SECISBP2: variants seen among roughly 807,000 people sequenced by gnomAD.
SECISBP2 encodes selenocysteine insertion sequence-binding protein 2.
Under a neutral mutation model 98.2 loss-of-function variants are expected in SECISBP2, and 96 were observed. The observed-to-expected ratio is 0.98, with a 90% CI of 0.83 to 1.16. The LOEUF (loss-of-function observed/expected upper bound fraction) is 1.16, where lower values mean the gene tolerates loss of function less well. Ranked by LOEUF, SECISBP2 falls within the 50% of genes most tolerant of loss-of-function variation. SECISBP2 has a pLI of 0.00. For missense variants in SECISBP2, 1,046 were observed against 1,022.9 expected (o/e 1.02, Z -0.31); for synonymous variants, 407 against 370.2 (o/e 1.10, Z -1.14).
At chr9:89,328,388 C>T (rs935157731) in intron 4 of SECISBP2, among the ~76,000 whole-genome samples, 1 of 152,212 alleles carries the variant, frequency 6.6e-6, no homozygotes, top group Admixed American at 6.5e-5. Context: ...ATCAGACCAT[C>T]ATATGTGGCG....
At chr9:89,319,607 T>C (rs774025332) in intron 1 of SECISBP2, 45 bp from the exon 2 acceptor site, 14 of 1,609,646 alleles carry the variant, frequency 8.7e-6, no homozygotes, top group African/African-American at 8.0e-5. Flanking sequence ...TTATATTTGC[T>C]TGATCTCTGA....
At chr9:89,330,506 C>G (rs1386033441) in intron 5 of SECISBP2, 1 of 152,230 alleles carries the variant, frequency 6.6e-6, no homozygotes, top group East Asian at 1.9e-4. Context: ...GTTTCCTGCC[C>G]TTGGACTTCT....
chr9:89,332,836 T>G, intron 5 of SECISBP2, 72 bp from the exon 6 acceptor site: 1 of 1,210,082 alleles, frequency 8.3e-7, no homozygotes, highest in South Asian at 1.2e-5. Flanking sequence ...TGTTCTGGAT[T>G]TTGATATGTA....
chr9:89,363,266 T>A (rs1035942603), downstream of SECISBP2, among the ~76,000 whole-genome samples: 5 of 142,644 alleles, frequency 3.5e-5, no homozygotes, highest in Non-Finnish European at 7.7e-5. Flanking sequence ...GACGTGGGAT[T>A]TCCCCCCCCA....
downstream of SECISBP2, among the ~76,000 whole-genome samples, chr9:89,363,268 C>CCG (rs1833011752): frequency 9.9e-6 from 1 of 100,506 alleles, no homozygotes; most frequent in Admixed American, 1.4e-4. Context: ...CGTGGGATTT[C>CCG]CCCCCCCAGT....
intron 7 of SECISBP2, among the ~76,000 whole-genome samples, chr9:89,336,098 T>TTTTTTA (rs1452432465): frequency 7.2e-6 from 1 of 138,670 alleles, no homozygotes; most frequent in Non-Finnish European, 1.6e-5. Context: ...TTTTTTTTTT[T>TTTTTTA]TTTTTTTTTT....
chr9:89,362,346 G>A, downstream of SECISBP2: 1 of 1,614,048 alleles, frequency 6.2e-7, no homozygotes, highest in South Asian at 1.1e-5. Context: ...GCTGTGGTCA[G>A]TGGCAGCAGG....
rs922546563 is a variant in SECISBP2 at position 89,325,531 on chromosome 9, C to A, written c.287C>A (p.Thr96Asn). ...TLHPYAYSPYTLDSTQNVYSV... is the reference protein window; with the variant it reads ...TLHPYAYSPYNLDSTQNVYSV... ...CATCCATATGCCTATTCTCCTTATACCCTTGACTCCACACAGAATGTTTAC... is the reference window on the plus strand; with the variant it reads ...CATCCATATGCCTATTCTCCTTATAACCTTGACTCCACACAGAATGTTTAC... Residue 96 changes from threonine (T) to asparagine (N), a missense_variant, in exon 3 of 17, where the codon ACC becomes AAC. Transcript: ENST00000375807. 1.9e-6 allele frequency: 3 copies of A among 1,613,818 alleles called. No homozygotes were observed. The highest frequency in any genetic ancestry group is 2.5e-6 in the Non-Finnish European group (3 of 1,179,966).
intron 14 of SECISBP2, among the ~76,000 whole-genome samples, chr9:89,352,913 T>C (rs1307396528): frequency 6.6e-6 from 1 of 152,030 alleles, no homozygotes; most frequent in Non-Finnish European, 1.5e-5. Flanking sequence ...CTAGTTCCTC[T>C]CCCTGCAGTG....
In SECISBP2 at chr9:89,319,770, C is replaced by T. The variant is rs1232840795; in HGVS notation, c.155C>T (p.Pro52Leu). Residue 52 changes from proline (P) to leucine (L), a missense_variant, in exon 2 of 17, where the codon CCG (proline) becomes CTG (leucine). Pro to Leu is a moderately conservative substitution (Grantham distance 98, BLOSUM62 -3). Coordinates refer to ENST00000375807, the MANE Select transcript of SECISBP2 (RefSeq NM_024077.5). ...VFPSSAATYYPFVQEPPVTEQ... is the reference protein window; with the variant it reads ...VFPSSAATYYLFVQEPPVTEQ... ...CCCAGCTCTGCAGCCACATACTATC[C>T]GTTTGTTCAGGAACCACCAGTGACA... is the stretch of plus-strand genomic sequence containing the variant. 6 of 1,614,120 alleles carry T rather than the reference C, an allele frequency of 3.7e-6. No homozygotes were observed. The highest frequency in any genetic ancestry group is 4.5e-5 in the East Asian group (2 of 44,884).
chr9:89,363,176 C>G (rs1191266066), downstream of SECISBP2, among the ~76,000 whole-genome samples: 1 of 152,212 alleles, frequency 6.6e-6, no homozygotes, highest in African/African-American at 2.4e-5. Flanking sequence ...CCTGTGAGTC[C>G]CTCCCAGTCT....
intron 14 of SECISBP2, among the ~76,000 whole-genome samples, chr9:89,351,068 C>T (rs112258699): frequency 3.9e-5 from 6 of 152,206 alleles, no homozygotes; most frequent in Non-Finnish European, 5.9e-5. Flanking sequence ...TGATCCTGCA[C>T]GCTGGGAGGC....
At chr9:89,359,957 G>T (rs1832636897), downstream of SECISBP2, among the ~76,000 whole-genome samples, 1 of 152,176 alleles carries the variant, frequency 6.6e-6, no homozygotes, top group South Asian at 2.1e-4. Context: ...GCTCTTAATT[G>T]AATTCAGTCT....
rs1044022228 is a variant in SECISBP2, at chr9:89,358,667, A to C, written c.2462-54A>C. 1.6e-5 allele frequency: 19 copies of C among 1,183,646 alleles called. No individual in the cohort carries two copies. The African/African-American group carries it at 2.9e-4, about 18-fold the overall frequency. The allele number at this position is 1,183,646 out of a possible 1,614,324, so 73.3% of individuals were successfully genotyped here. On this transcript the variant is annotated intron_variant, in intron 16 of 16. Transcript: ENST00000375807. The stretch of plus-strand genomic sequence containing the variant: ...CTCATGCTGCTGGTTTTCTTACAGG[A>C]GTTTTCCTACTTGTTGATGCCTATT...
Position 89,349,837 on chromosome 9 carries a change from AC to A in SECISBP2, c.1802del (p.Pro601GlnfsTer77). 6.2e-7 allele frequency: 1 copy of A among 1,614,224 alleles called. No homozygotes were observed. Among genetic ancestry groups the A allele is most frequent in the South Asian group, 1.1e-5 (1 of 91,076 alleles). ...PSVEDKSEEP[P>X]GTELQRDTEA... ...CGGTTGAGGACAAGTCTGAAGAGCC[AC>A]CAGGCACAGAGCTCCAGAGGGACAC... On this transcript the variant is annotated frameshift_variant, in exon 13 of 17. Transcript: ENST00000375807. LOFTEE classifies it high-confidence loss of function.
intron 7 of SECISBP2, 70 bp from the exon 8 acceptor site, chr9:89,338,388 G>T (rs955339161): frequency 3.2e-6 from 5 of 1,543,462 alleles, no homozygotes; most frequent in Admixed American, 1.8e-5. Flanking sequence ...TAATTTTGTT[G>T]ATACATAGTA....
In SECISBP2 at chr9:89,319,802, G is replaced by A. The variant is rs780594603; in HGVS notation, c.182+5G>A. On this transcript the variant is annotated splice_donor_5th_base_variant and intron_variant, in intron 2 of 16. Coordinates refer to ENST00000375807, the MANE Select transcript of SECISBP2 (RefSeq NM_024077.5). ...TCAGGAACCACCAGTGACAGAGTAT[G>A]TATCTTTCTAAAAGTCTTACCTAGG... 1 of 1,613,808 alleles carries A rather than the reference G, an allele frequency of 6.2e-7. No homozygotes were observed. Among genetic ancestry groups the A allele is most frequent in the South Asian group, 1.1e-5 (1 of 91,082 alleles).
At chr9:89,355,697 C>A in intron 14 of SECISBP2, 1 of 327,780 alleles carries the variant, frequency 3.1e-6, no homozygotes, top group Non-Finnish European at 4.4e-6. Flanking sequence ...CCCACTCCAG[C>A]GTTTAAAAGG....
intron 1 of SECISBP2, 148 bp downstream of exon 1, chr9:89,318,760 T>C: frequency 8.1e-7 from 1 of 1,231,262 alleles, no homozygotes; most frequent in Non-Finnish European, 1.0e-6. Flanking sequence ...GTGGCCGCGA[T>C]CTTCGCGCCC....
Sources: gnomAD v4.1 joint callset for allele counts (sites outside exome capture counted in the v4.1 genomes callset) on GRCh38, gnomAD v4.1.1 for gene constraint, MANE v1.5 for transcripts, NCBI Gene and HGNC (gene_info 2026-07-23, HGNC 2026-07-21) for gene names.